TRIP12: variants seen among roughly 807,000 people sequenced by gnomAD.
The protein encoded by TRIP12 is E3 ubiquitin-protein ligase TRIP12.
TRIP12 carries 25 observed loss-of-function variants against 244.2 expected under a neutral mutation model. The observed-to-expected ratio is 0.10, with a 90% CI of 0.07 to 0.14. The LOEUF is 0.14. Among genes scored for constraint, TRIP12 ranks in the 10% least tolerant of loss-of-function variants. TRIP12 has a pLI of 1.00. For missense variants in TRIP12, 1,677 were observed against 2,486.4 expected, an observed-to-expected ratio of 0.67 and a Z score of 6.92; for synonymous variants, 905 against 873.1, an observed-to-expected ratio of 1.04 and a Z score of -0.64.
intron 12 of TRIP12, 50 bp downstream of exon 12, chr2:229,814,183 A>T: frequency 6.3e-7 from 1 of 1,594,818 alleles, no homozygotes; most frequent in Non-Finnish European, 8.6e-7. Context: ...TGTGGATTTT[A>T]AAAATTCTAC....
chr2:229,768,473 G>T, intron 41 of TRIP12, 143 bp downstream of exon 41: 2 of 673,370 alleles, frequency 3.0e-6, no homozygotes, highest in Non-Finnish European at 5.0e-6. Flanking sequence ...CCTGCTAGTG[G>T]TCTCAATGTA....
At chr2:229,822,646 T>C (rs2154291431) in intron 8 of TRIP12, among the ~76,000 whole-genome samples, 1 of 152,340 alleles carries the variant, frequency 6.6e-6, no homozygotes, top group African/African-American at 2.4e-5. Flanking sequence ...TGGGCCACTT[T>C]AGTTCTTTTA....
chr2:229,791,313 T>C, intron 29 of TRIP12, 62 bp from the exon 30 acceptor site: 1 of 1,581,658 alleles, frequency 6.3e-7, no homozygotes, highest in Non-Finnish European at 8.7e-7. Context: ...AAAGCCAAAA[T>C]CTAAGCCACA....
chr2:229,799,547 C>G (rs905270023), intron 21 of TRIP12, among the ~76,000 whole-genome samples, 164 bp from the exon 22 acceptor site: 5 of 152,116 alleles, frequency 3.3e-5, no homozygotes, highest in Non-Finnish European at 5.9e-5. Context: ...GAGGCCGAGG[C>G]GGGCAGATCA....
intron 3 of TRIP12, among the ~76,000 whole-genome samples, chr2:229,859,860 A>C (rs1450104167): frequency 6.6e-6 from 1 of 152,222 alleles, no homozygotes; most frequent in African/African-American, 2.4e-5. Flanking sequence ...TTACAAGAAA[A>C]ACAACACTTA....
chr2:229,808,650 T>G (rs1394325975), intron 15 of TRIP12, among the ~76,000 whole-genome samples: 1 of 152,216 alleles, frequency 6.6e-6, no homozygotes, highest in Admixed American at 6.5e-5. Context: ...TCAGGAACCC[T>G]TTATTTCTTT....
rs1342424150 is a variant in TRIP12 at position 229,837,540 on chromosome 2, C to CA, written c.1134-557dup. Among the ~76,000 whole-genome samples, 8 of 152,020 alleles carry CA rather than the reference C, an allele frequency of 5.3e-5. No individual in the cohort carries two copies. In the South Asian group the frequency reaches 1.5e-3, roughly 28 times the overall value. On this transcript the variant is annotated intron_variant, in intron 5 of 41. Transcript: ENST00000675903. ...ATCCCAGCTACTTGGGAGGCCAAGA[C>CA]AAAAAATTGCTCGAACCCGGGAGGC...
At chr2:229,786,395 A>G (rs1298083470) in intron 33 of TRIP12, among the ~76,000 whole-genome samples, 1 of 96,526 alleles carries the variant, frequency 1.0e-5, no homozygotes, top group East Asian at 3.3e-4. Context: ...GAATAGGATG[A>G]CTTTTTTTTT....
chr2:229,815,168 T>C lies in TRIP12; in HGVS notation c.1662A>G (p.Thr554=). The C allele has an allele frequency of 1.2e-6, 2 of 1,613,232 alleles. No individual in the cohort carries two copies. The highest frequency in any genetic ancestry group is 1.3e-5 in the African/African-American group (1 of 75,028). Residue 554 remains threonine (T), a synonymous_variant, in exon 11 of 42, where the codon ACA becomes ACG. Transcript: ENST00000675903. ...ATCGAGGAAGTGCTTCCATCATGTATGTTAAGGCTCGACAAGCATGGTTCA... is the reference window on the plus strand; with the variant it reads ...ATCGAGGAAGTGCTTCCATCATGTACGTTAAGGCTCGACAAGCATGGTTCA... The part of the protein sequence containing the change: ...DIMNHACRAL[T]YMMEALPRSS...
At chr2:229,850,936 G>C (rs1292820278) in intron 4 of TRIP12, among the ~76,000 whole-genome samples, 1 of 152,240 alleles carries the variant, frequency 6.6e-6, no homozygotes, top group Non-Finnish European at 1.5e-5. Flanking sequence ...TTCTCGCCGG[G>C]CCTTAGCTGC....
At chr2:229,889,004 G>A (rs542725831) in intron 1 of TRIP12, among the ~76,000 whole-genome samples, 6 of 152,180 alleles carry the variant, frequency 3.9e-5, no homozygotes, top group East Asian at 1.9e-4. Flanking sequence ...CCTGTTTGTC[G>A]TTTTTAAAAA....
At chr2:229,874,632 T>G (rs954301700) in intron 2 of TRIP12, among the ~76,000 whole-genome samples, 9 of 152,112 alleles carry the variant, frequency 5.9e-5, no homozygotes, top group Non-Finnish European at 7.4e-5. Flanking sequence ...TCCCTATTAT[T>G]TGTATGTTGC....
chr2:229,821,646 C>T (rs568850113), intron 8 of TRIP12, among the ~76,000 whole-genome samples: 1 of 152,118 alleles, frequency 6.6e-6, no homozygotes, highest in East Asian at 1.9e-4. Flanking sequence ...TTTTCAGCCA[C>T]GTAAAATATA....
rs149890330 is a variant in TRIP12 at position 229,865,240 on chromosome 2, C to T, written c.99-4709G>A. On this transcript the variant is annotated intron_variant, in intron 2 of 41. Transcript: ENST00000675903. ...GGTGGGGAAGATCACTCGAGCCTAG[C>T]AGGTCAAAGCTGCAGTGAGCTATGG... 4.0e-3 allele frequency among the ~76,000 whole-genome samples: 586 copies of T among 146,514 alleles called. 1 individual carries two copies. The highest frequency in any genetic ancestry group is 0.011 in the Middle Eastern group (3 of 264).
At chr2:229,885,605 TA>T (rs1239782398) in intron 1 of TRIP12, among the ~76,000 whole-genome samples, 1 of 152,114 alleles carries the variant, frequency 6.6e-6, no homozygotes, top group African/African-American at 2.4e-5. Context: ...ACCACTACAA[TA>T]AAACAAAATA....
At chr2:229,827,415 TTTTC>T (rs2051990141) in intron 8 of TRIP12, among the ~76,000 whole-genome samples, 1 of 152,136 alleles carries the variant, frequency 6.6e-6, no homozygotes. Flanking sequence ...TACAAAAACA[TTTTC>T]TTTCTTTATA....
chr2:229,834,846 C>T (rs1219347489), intron 6 of TRIP12, among the ~76,000 whole-genome samples: 1 of 151,936 alleles, frequency 6.6e-6, no homozygotes, highest in African/African-American at 2.4e-5. Context: ...ACTTCAAAGG[C>T]TAGCATTTCT....
At chr2:229,855,705 T>G in intron 4 of TRIP12, among the ~76,000 whole-genome samples, 1 of 151,962 alleles carries the variant, frequency 6.6e-6, no homozygotes, top group East Asian at 1.9e-4. Flanking sequence ...TGAGGTATAT[T>G]ACTCAGAGAA....
chr2:229,858,784 C>A lies in TRIP12; in HGVS notation c.1015G>T (p.Ala339Ser). The change falls in exon 4 of 42, where the codon GCC becomes TCC. Residue 339 changes from alanine to serine, a missense_variant. Coordinates refer to ENST00000675903, the MANE Select transcript of TRIP12 (RefSeq NM_001348323.3). ...TSKPGPSGLQ[A>S]KLASLRKSTK... ...TTTGTAAACTTACTTGCTAATTTGG[C>A]CTGTAATCCAGAAGGTCCAGGTTTT... The A allele has an allele frequency of 6.4e-7, 1 of 1,570,420 alleles. No individual in the cohort carries two copies.
Sources: gnomAD v4.1 joint callset for allele counts (sites outside exome capture counted in the v4.1 genomes callset) on GRCh38, gnomAD v4.1.1 for gene constraint, MANE v1.5 for transcripts, NCBI Gene and HGNC (gene_info 2026-07-23, HGNC 2026-07-21) for gene names.